VIPR2: variants seen among roughly 807,000 people sequenced by gnomAD.
VIPR2 encodes vasoactive intestinal peptide receptor 2.
VIPR2 carries 48 observed loss-of-function variants against 58.0 expected under a neutral mutation model. The ratio of observed to expected loss-of-function variants is 0.83; its 90% CI spans 0.66 to 1.05. The LOEUF (loss-of-function observed/expected upper bound fraction) is 1.05. VIPR2 is among the 50% of genes least tolerant of loss of function. VIPR2 has a pLI of 0.00. For missense variants in VIPR2, 534 were observed against 558.0 expected (o/e 0.96, Z 0.43); for synonymous variants, 243 against 235.2 (o/e 1.03, Z -0.30).
chr7:159,043,965 G>C (rs1854498034), intron 5 of VIPR2, among the ~76,000 whole-genome samples: 1 of 152,164 alleles, frequency 6.6e-6, no homozygotes. Flanking sequence ...ATGAAGTGGG[G>C]AACCCAGAAA....
chr7:159,117,409 G>A (rs1345590614), intron 2 of VIPR2: 1 of 717,494 alleles, frequency 1.4e-6, no homozygotes. Context: ...TGTATGGCCT[G>A]TGAACAGACA....
At chr7:159,043,885 C>A (rs749148512) in intron 5 of VIPR2, among the ~76,000 whole-genome samples, 6 of 152,196 alleles carry the variant, frequency 3.9e-5, no homozygotes, top group African/African-American at 1.4e-4. Context: ...ACATCAGGTC[C>A]TCTGATAGCC....
chr7:159,050,346 C>CA (rs1354103508), intron 5 of VIPR2, among the ~76,000 whole-genome samples: 43 of 41,710 alleles, frequency 1.0e-3, no homozygotes, highest in East Asian at 3.7e-3. Flanking sequence ...CAAAAAAACA[C>CA]AAAAAAACAA....
intron 2 of VIPR2, among the ~76,000 whole-genome samples, chr7:159,115,983 G>T (rs1212102650): frequency 6.6e-6 from 1 of 152,220 alleles, no homozygotes; most frequent in Non-Finnish European, 1.5e-5. Flanking sequence ...GAACAGCAAG[G>T]TCTCCCAGGG....
chr7:159,063,958 G>C (rs1477288289), intron 4 of VIPR2, among the ~76,000 whole-genome samples: 1 of 150,932 alleles, frequency 6.6e-6, no homozygotes, highest in Non-Finnish European at 1.5e-5. Flanking sequence ...GGCGGGGTCC[G>C]GGGGTCGTGG....
chr7:159,040,926 G>T (rs1323155350), intron 6 of VIPR2, among the ~76,000 whole-genome samples: 1 of 152,078 alleles, frequency 6.6e-6, no homozygotes, highest in Non-Finnish European at 1.5e-5. Context: ...CTTTGCCTCT[G>T]CTTTCCCCTT....
rs368180988 is a variant in VIPR2 at position 159,036,066 on chromosome 7, A to C, written c.749-54T>G. 5.3e-5 allele frequency: 82 copies of C among 1,560,648 alleles called. No individual in the cohort carries two copies. In the African/African-American group the frequency reaches 1.1e-3, roughly 20 times the overall value. ...GGAGCGGAGCGGTGTGCACGCACAC[A>C]GGTGGGTGCCTTCACCAGCAAAACC... is the stretch of plus-strand genomic sequence containing the variant. On this transcript the variant is annotated intron_variant, in intron 7 of 12. Coordinates refer to ENST00000262178, the MANE Select transcript of VIPR2 (RefSeq NM_003382.5).
At chr7:159,046,825 T>C (rs775339139) in intron 5 of VIPR2, among the ~76,000 whole-genome samples, 1 of 152,266 alleles carries the variant, frequency 6.6e-6, no homozygotes, top group African/African-American at 2.4e-5. Context: ...AAGAAATTTT[T>C]ATTTCATTTG....
At chr7:159,066,194 C>A (rs1209140903) in intron 4 of VIPR2, among the ~76,000 whole-genome samples, 2 of 151,838 alleles carry the variant, frequency 1.3e-5, no homozygotes, top group African/African-American at 4.8e-5. Context: ...GATGCCTGCT[C>A]CCGCACCGTC....
chr7:159,035,780 A>G (rs898536321), intron 8 of VIPR2, 172 bp downstream of exon 8: 5 of 984,970 alleles, frequency 5.1e-6, no homozygotes, highest in African/African-American at 3.5e-5. Context: ...CAACACTCCA[A>G]CCTCACAGGA....
intron 2 of VIPR2, chr7:159,117,249 A>G: frequency 1.4e-6 from 1 of 708,034 alleles, no homozygotes; most frequent in Non-Finnish European, 2.6e-6. Flanking sequence ...GACTTGCTTT[A>G]TCACCAGTGT....
At chr7:159,065,538 T>A (rs1418077626) in intron 4 of VIPR2, among the ~76,000 whole-genome samples, 3 of 152,212 alleles carry the variant, frequency 2.0e-5, no homozygotes, top group African/African-American at 7.2e-5. Flanking sequence ...TTCAGTTTTA[T>A]CCTTGGCGTG....
intron 4 of VIPR2, among the ~76,000 whole-genome samples, chr7:159,073,879 T>C (rs1199236021): frequency 6.6e-6 from 1 of 152,172 alleles, no homozygotes; most frequent in Admixed American, 6.5e-5. Flanking sequence ...GGAACCTTTT[T>C]TTCTACAGGA....
Position 159,086,623 on chromosome 7 carries a change from C to T in VIPR2, c.357+17134G>A, listed in dbSNP as rs1039747110. Among the ~76,000 whole-genome samples, 26 of 152,226 alleles carry T rather than the reference C, an allele frequency of 1.7e-4. 1 individual carries two copies. The highest frequency in any genetic ancestry group is 6.3e-4 in the African/African-American group (26 of 41,472). On this transcript the variant is annotated intron_variant, in intron 4 of 12. Coordinates refer to ENST00000262178, the MANE Select transcript of VIPR2 (RefSeq NM_003382.5). Reference sequence around the variant, plus strand: ...AAGTTTCTTTCCAGGGATGCTCTTCCTCTTTACATGGGCCACCTGGGTGTG... The same window carrying T: ...AAGTTTCTTTCCAGGGATGCTCTTCTTCTTTACATGGGCCACCTGGGTGTG...
At chr7:159,114,309 G>A (rs1315456517) in intron 2 of VIPR2, among the ~76,000 whole-genome samples, 3 of 152,004 alleles carry the variant, frequency 2.0e-5, no homozygotes, top group Non-Finnish European at 4.4e-5. Context: ...GGCCACCCCC[G>A]AGAGAAGCAC....
intron 4 of VIPR2, among the ~76,000 whole-genome samples, chr7:159,082,148 A>G (rs1856937369): frequency 1.3e-5 from 2 of 152,242 alleles, no homozygotes; most frequent in African/African-American, 4.8e-5. Context: ...TCATGCTGCT[A>G]TAAAGACACA....
chr7:159,048,632 C>A (rs1364376476), intron 5 of VIPR2, among the ~76,000 whole-genome samples: 2 of 151,720 alleles, frequency 1.3e-5, no homozygotes, highest in Non-Finnish European at 2.9e-5. Flanking sequence ...TTGGATCTGA[C>A]AACTTTAATG....
intron 5 of VIPR2, among the ~76,000 whole-genome samples, chr7:159,045,866 T>C (rs1854611212): frequency 6.6e-6 from 1 of 150,392 alleles, no homozygotes; most frequent in African/African-American, 2.4e-5. Flanking sequence ...CTGCAAATTA[T>C]ATATCTGATA....
chr7:159,116,969 G>A lies in VIPR2; in HGVS notation c.152-7050C>T, dbSNP rs1216259792. 3.0e-5 allele frequency: 7 copies of A among 231,210 alleles called. No individual in the cohort carries two copies. In the East Asian group the frequency reaches 7.3e-4, roughly 24 times the overall value. The allele number at this position is 231,210 out of a possible 1,614,324, so 14.3% of individuals were successfully genotyped here. Reference sequence around the variant, plus strand: ...ATTTTCTCATTATTTCAATGTCAATGACATAAACATCAATTAAATTTCAAG... The same window carrying A: ...ATTTTCTCATTATTTCAATGTCAATAACATAAACATCAATTAAATTTCAAG... On this transcript the variant is annotated intron_variant, in intron 2 of 12. Transcript: ENST00000262178.
Sources: gnomAD v4.1 joint callset for allele counts (sites outside exome capture counted in the v4.1 genomes callset) on GRCh38, gnomAD v4.1.1 for gene constraint, MANE v1.5 for transcripts, NCBI Gene and HGNC (gene_info 2026-07-23, HGNC 2026-07-21) for gene names.